The following DKK3 variants were observed in gnomAD, a reference collection of about 807,000 sequenced individuals.
DKK3 encodes the protein dickkopf-related protein 3.
A neutral mutation model predicts 33.2 loss-of-function variants in DKK3; 22 were observed. The observed-to-expected ratio is 0.66, with a 90% CI of 0.47 to 0.95. The LOEUF (loss-of-function observed/expected upper bound fraction) is 0.95. Among genes scored for constraint, DKK3 ranks in the 40% least tolerant of loss-of-function variants. DKK3 has a pLI of 0.00. For synonymous variants in DKK3, 194 were observed against 188.8 expected (o/e 1.03, Z -0.23); for missense variants, 398 against 458.4 (o/e 0.87, Z 1.20).
intron 1 of DKK3, among the ~76,000 whole-genome samples, chr11:12,002,648 G>A (rs867393493): frequency 2.2e-4 from 34 of 152,138 alleles, no homozygotes; most frequent in Admixed American, 3.3e-4. Context: ...TCTCTGGGAG[G>A]TGGGTGTTAA....
chr11:12,002,494 T>A, intron 1 of DKK3, 57 bp from the exon 2 acceptor site: 1 of 1,557,840 alleles, frequency 6.4e-7, no homozygotes, highest in Admixed American at 1.9e-5. Flanking sequence ...CAAATGGGAG[T>A]CTATTAGAAA....
At chr11:12,005,042 G>A (rs1162896419) in intron 1 of DKK3, among the ~76,000 whole-genome samples, 1 of 152,274 alleles carries the variant, frequency 6.6e-6, no homozygotes, top group East Asian at 1.9e-4. Context: ...AACGCAGCTG[G>A]GAAGAGAAGA....
chr11:11,974,336 A>G (rs1030533670), intron 3 of DKK3, among the ~76,000 whole-genome samples: 4 of 152,222 alleles, frequency 2.6e-5, no homozygotes, highest in African/African-American at 9.6e-5. Context: ...GTCAGTCACC[A>G]TCTTAGTCCA....
chr11:11,996,767 G>T (rs907114153), intron 3 of DKK3, among the ~76,000 whole-genome samples: 2 of 152,238 alleles, frequency 1.3e-5, no homozygotes, highest in Non-Finnish European at 2.9e-5. Context: ...GCATTCTCAG[G>T]ACTGTCATAT....
upstream of DKK3, chr11:12,009,373 C>T (rs1848612457): frequency 1.0e-6 from 1 of 975,930 alleles, no homozygotes; most frequent in African/African-American, 1.8e-5. Flanking sequence ...TCTCCGCCCC[C>T]GCCCCGAGCC....
intron 3 of DKK3, among the ~76,000 whole-genome samples, chr11:11,980,545 T>A (rs1847932838): frequency 6.6e-6 from 1 of 152,182 alleles, no homozygotes; most frequent in South Asian, 2.1e-4. Context: ...GGACCCAGAT[T>A]TTTGGCCCAT....
chr11:12,008,639 G>A (rs1848594204), upstream of DKK3: 1 of 1,310,862 alleles, frequency 7.6e-7, no homozygotes, highest in Non-Finnish European at 9.6e-7. This position sits in a 1 kb window ranked among gnomAD's most constrained non-coding sequence, Gnocchi z 4.6. Context: ...TCAGAGGCGC[G>A]CGGACCACCC....
chr11:11,967,078 C>A lies in DKK3; in HGVS notation c.549G>T (p.Glu183Asp). Residue 183 changes from glutamate to aspartate, a missense_variant, in exon 5 of 7, where the codon GAG (glutamate) becomes GAT (aspartate). Physicochemically the swap from Glu to Asp is conservative, Grantham distance 45 (BLOSUM62 2). Coordinates refer to ENST00000683431, the MANE Select transcript of DKK3 (RefSeq NM_001018057.2). ...GQRMLCTRDS[E>D]CCGDQLCVWG... ...AGACACACAGCTGGTCTCCACAGCA[C>A]TCACTGTCCCGGGTGCAGAGCTGCA... The A allele has an allele frequency of 6.2e-7, 1 of 1,613,712 alleles. No individual in the cohort carries two copies. Among genetic ancestry groups the A allele is most frequent in the Non-Finnish European group, 8.5e-7 (1 of 1,179,920 alleles).
chr11:11,978,488 CT>C (rs10532671), intron 3 of DKK3, among the ~76,000 whole-genome samples: 1 of 44,402 alleles, frequency 2.3e-5, no homozygotes, highest in Non-Finnish European at 1.1e-4. Flanking sequence ...TTTTCTTCCT[CT>C]TCTTCTTCTT....
chr11:12,008,830 C>T, upstream of DKK3: 1 of 1,167,582 alleles, frequency 8.6e-7, no homozygotes, highest in Non-Finnish European at 1.1e-6. The surrounding 1 kb of genome is among the most constrained non-coding windows in gnomAD (Gnocchi z 4.6). Context: ...CAGGACCCCG[C>T]ACCCCCATCC....
At chr11:11,994,705 G>A (rs1848255391) in intron 3 of DKK3, 1 of 152,230 alleles carries the variant, frequency 6.6e-6, no homozygotes, top group Non-Finnish European at 1.5e-5. Context: ...CCACTCGAGA[G>A]TGTATGAACA....
intron 3 of DKK3, among the ~76,000 whole-genome samples, chr11:11,971,366 T>C (rs1035905980): frequency 6.6e-6 from 1 of 152,190 alleles, no homozygotes. Context: ...CAGGGAAATT[T>C]TGAAACCATA....
chr11:11,998,320 G>A, intron 3 of DKK3: 1 of 334,442 alleles, frequency 3.0e-6, no homozygotes, highest in Non-Finnish European at 5.5e-6. Context: ...CCTGACCAGA[G>A]GTGGGATTAC....
At chr11:12,008,771 A>T, upstream of DKK3, 1 of 1,172,654 alleles carries the variant, frequency 8.5e-7, no homozygotes, top group Non-Finnish European at 1.1e-6. This position sits in a 1 kb window ranked among gnomAD's most constrained non-coding sequence, Gnocchi z 4.6. Context: ...GCTCCCCTAC[A>T]CCCGAAAAGA....
At chr11:12,008,652 C>T (rs983574808), upstream of DKK3, 9 of 1,270,134 alleles carry the variant, frequency 7.1e-6, no homozygotes, top group South Asian at 2.9e-5. This position sits in a 1 kb window ranked among gnomAD's most constrained non-coding sequence, Gnocchi z 4.6. Context: ...GACCACCCCC[C>T]TCGCTGGGCC....
rs1848590885 is a variant in DKK3 at position 12,008,544 on chromosome 11, C to A, written c.39G>T (p.Leu13=). The A allele has an allele frequency of 8.4e-6, 13 of 1,542,964 alleles. No homozygotes were observed. Among genetic ancestry groups the A allele is most frequent in the Non-Finnish European group, 1.1e-5 (13 of 1,151,558 alleles). ...CGGGGGCCGTGGGGACCGCCGCCGC[C>A]AGCAGCAGGCACAGCAGGGTGGCCC... ...RLGATLLCLL[L]AAAVPTAPAP... is the part of the protein sequence containing the mutation. The change falls in exon 1 of 7, where the codon CTG becomes CTT. Residue 13 remains leucine, a synonymous_variant. Coordinates refer to ENST00000683431, the MANE Select transcript of DKK3 (RefSeq NM_001018057.2). The surrounding 1 kb of genome is among the most constrained non-coding windows in gnomAD (Gnocchi z 4.6).
Position 12,008,452 on chromosome 11 carries a change from T to G in DKK3, c.131A>C (p.Glu44Ala). ...GCGGAACATCTCATTGAGGGTGGCC[T>G]CCTCCTGCGGGTAGCTGAGAGCCGG... ...PGPALSYPQE[E>A]ATLNEMFREV... Residue 44 changes from glutamate (E) to alanine (A), a missense_variant, in exon 1 of 7, where the codon GAG (glutamate) becomes GCG (alanine). By Grantham distance (107) the Glu-to-Ala change is moderately radical. Coordinates refer to ENST00000683431, the MANE Select transcript of DKK3 (RefSeq NM_001018057.2). This position sits in a 1 kb window ranked among gnomAD's most constrained non-coding sequence, Gnocchi z 4.6. The G allele has an allele frequency of 6.2e-7, 1 of 1,610,458 alleles. No homozygotes were observed. Among genetic ancestry groups the G allele is most frequent in the Non-Finnish European group, 8.5e-7 (1 of 1,179,524 alleles).
upstream of DKK3, chr11:12,008,781 A>G (rs1848599661): frequency 2.5e-6 from 3 of 1,184,226 alleles, no homozygotes; most frequent in East Asian, 3.8e-5. This position sits in a 1 kb window ranked among gnomAD's most constrained non-coding sequence, Gnocchi z 4.6. Flanking sequence ...ACCCGAAAAG[A>G]CGCGACCCCA....
At chr11:12,008,908 G>A, upstream of DKK3, 2 of 1,076,306 alleles carry the variant, frequency 1.9e-6, no homozygotes, top group Non-Finnish European at 2.2e-6. This position sits in a 1 kb window ranked among gnomAD's most constrained non-coding sequence, Gnocchi z 4.6. Context: ...ACCGAACCCG[G>A]ATCCTCTACG....
Sources: gnomAD v4.1 joint callset for allele counts (sites outside exome capture counted in the v4.1 genomes callset) on GRCh38, gnomAD v4.1.1 for gene constraint, Gnocchi (gnomAD v3.1) non-coding constraint, MANE v1.5 for transcripts, NCBI Gene and HGNC (gene_info 2026-07-23, HGNC 2026-07-21) for gene names.